ZNHIT3: variants seen among roughly 807,000 people sequenced by gnomAD.
ZNHIT3 encodes zinc finger HIT-type containing 3.
ZNHIT3 carries 27 observed loss-of-function variants against 19.9 expected under a neutral mutation model. That is an observed-to-expected ratio of 1.36 (90% CI 1.00 to 1.87). The LOEUF is 1.87. ZNHIT3 is among the 40% of genes most tolerant of loss of function. The pLI is 0.00. For missense variants in ZNHIT3, 215 were observed against 185.6 expected (o/e 1.16, Z -0.92); for synonymous variants, 81 against 65.7 (o/e 1.23, Z -1.13).
chr17:36,492,598 G>C (rs1204525201), intron 2 of ZNHIT3: 3 of 576,898 alleles, frequency 5.2e-6, no homozygotes, highest in Non-Finnish European at 9.2e-6. Context: ...ACAGGTTCTT[G>C]GGGTGCATGA....
At position 36,495,432 on chromosome 17, in the gene ZNHIT3, C is replaced by T. The variant is rs369692426; in HGVS notation, c.*28C>T. The stretch of plus-strand genomic sequence containing the variant: ...TGGATTATTGTGCTGCTTGCTCAAG[C>T]GTGTGCTTGACTCCTGGAACCTGCC... On this transcript the variant is annotated 3_prime_UTR_variant, in exon 5 of 5. Coordinates refer to ENST00000617429, the MANE Select transcript of ZNHIT3 (RefSeq NM_004773.4). 4.8e-5 allele frequency: 75 copies of T among 1,551,626 alleles called. No individual in the cohort carries two copies. The highest frequency in any genetic ancestry group is 1.7e-4 in the South Asian group (14 of 80,766).
In ZNHIT3 at chr17:36,495,608, A is replaced by C; in HGVS notation, c.*204A>C. The C allele has an allele frequency of 7.7e-7, 1 of 1,290,420 alleles. No individual in the cohort carries two copies. Among genetic ancestry groups the C allele is most frequent in the Non-Finnish European group, 9.8e-7 (1 of 1,022,224 alleles). The allele number at this position is 1,290,420 out of a possible 1,614,324, so 79.9% of individuals were successfully genotyped here. Reference sequence around the variant, plus strand: ...GGGTCCTTAAGGTGGCAAGTCCTTTATGGAGAGAAAACTTGACATTCAGAT... The same window carrying C: ...GGGTCCTTAAGGTGGCAAGTCCTTTCTGGAGAGAAAACTTGACATTCAGAT... On this transcript the variant is annotated 3_prime_UTR_variant, in exon 5 of 5. Coordinates refer to ENST00000617429, the MANE Select transcript of ZNHIT3 (RefSeq NM_004773.4).
downstream of ZNHIT3, chr17:36,498,370 C>T (rs1254250386): frequency 6.2e-7 from 1 of 1,614,034 alleles, no homozygotes; most frequent in Non-Finnish European, 8.5e-7. Flanking sequence ...GCCCAGACCA[C>T]TAATTTCCTC....
At position 36,495,383 on chromosome 17, in the gene ZNHIT3, A is replaced by G. The variant is rs747068773; in HGVS notation, c.447A>G (p.Pro149=). 3 of 1,608,722 alleles carry G rather than the reference A, an allele frequency of 1.9e-6. No individual in the cohort carries two copies. Among genetic ancestry groups the G allele is most frequent in the South Asian group, 1.1e-5 (1 of 89,972 alleles). Residue 149 remains proline, a synonymous_variant, in exon 5 of 5, where the codon CCA becomes CCG. Transcript: ENST00000617429. ...FADCCLGIVE[P]SQNEES is the part of the protein sequence containing the mutation. ...ACTGCTGTTTAGGAATTGTGGAGCC[A>G]TCCCAGAATGAGGAGTCTTAAGATG...
chr17:36,495,582 G>C lies in ZNHIT3; in HGVS notation c.*178G>C. On this transcript the variant is annotated 3_prime_UTR_variant, in exon 5 of 5. Coordinates refer to ENST00000617429, the MANE Select transcript of ZNHIT3 (RefSeq NM_004773.4). ...TGTGGCTCATGTTTCAGGCAGACTTGGGGTCCTTAAGGTGGCAAGTCCTTT... is the reference window on the plus strand; with the variant it reads ...TGTGGCTCATGTTTCAGGCAGACTTCGGGTCCTTAAGGTGGCAAGTCCTTT... The C allele has an allele frequency of 7.7e-7, 1 of 1,306,358 alleles. No homozygotes were observed. Among genetic ancestry groups the C allele is most frequent in the East Asian group, 2.9e-5 (1 of 34,360 alleles). The allele number at this position is 1,306,358 out of a possible 1,614,324, so 80.9% of individuals were successfully genotyped here. A position where few individuals can be genotyped will look rare whatever the true frequency, so the allele number is the denominator to read the frequency against.
At chr17:36,492,311 ATGATTT>A (rs1351148582) in intron 2 of ZNHIT3, 1 of 156,634 alleles carries the variant, frequency 6.4e-6, no homozygotes, top group African/African-American at 2.4e-5. Context: ...CCATGCCTGG[ATGATTT>A]TTTTTATTTT....
downstream of ZNHIT3, chr17:36,495,936 G>A: frequency 9.5e-7 from 1 of 1,047,200 alleles, no homozygotes; most frequent in Non-Finnish European, 1.2e-6. Context: ...GTGGAATTGG[G>A]ATCCCCAGTG....
At chr17:36,498,390 C>T (rs891961525), downstream of ZNHIT3, 6 of 1,613,904 alleles carry the variant, frequency 3.7e-6, no homozygotes, top group African/African-American at 5.3e-5. Context: ...CTGAAAGCTG[C>T]CTACACCCAT....
At chr17:36,499,002 G>T, downstream of ZNHIT3, 1 of 1,226,492 alleles carries the variant, frequency 8.2e-7, no homozygotes, top group Non-Finnish European at 1.2e-6. Context: ...GGCAGAGCCA[G>T]CATTCCCACT....
chr17:36,493,459 C>T (rs1036506621), intron 3 of ZNHIT3, among the ~76,000 whole-genome samples: 2 of 152,210 alleles, frequency 1.3e-5, no homozygotes, highest in Non-Finnish European at 2.9e-5. Flanking sequence ...AAGGCATGGC[C>T]CATTTTTGCC....
Position 36,492,789 on chromosome 17 carries a change from G to A in ZNHIT3, c.119-24G>A, listed in dbSNP as rs186512951. The A allele has an allele frequency of 4.3e-6, 7 of 1,609,382 alleles. No homozygotes were observed. In the African/African-American group the frequency reaches 9.4e-5, roughly 22 times the overall value. ...TGTCGCTGAAATGGAGGTAATGTGG[G>A]CCTGGGATTTGTGTCTTTTTCAGAA... On this transcript the variant is annotated intron_variant, in intron 2 of 4. Coordinates refer to ENST00000617429, the MANE Select transcript of ZNHIT3 (RefSeq NM_004773.4).
intron 2 of ZNHIT3, chr17:36,490,821 C>A (rs1403460667): frequency 6.6e-6 from 1 of 152,020 alleles, no homozygotes; most frequent in Non-Finnish European, 1.5e-5. Context: ...GTACACTTTT[C>A]ATTTGTCTTT....
rs770356090 is a variant in ZNHIT3 at position 36,486,685 on chromosome 17, T to TC, written c.-13dup. ...GCGCGCGGCGGCGCAGTGAACAGTC[T>TC]CCTTCCACAAAACCATGGCGTCGCT... On this transcript the variant is annotated 5_prime_UTR_variant, in exon 1 of 5. Transcript: ENST00000617429. 1 of 1,613,552 alleles carries TC rather than the reference T, an allele frequency of 6.2e-7. No individual in the cohort carries two copies. Among genetic ancestry groups the TC allele is most frequent in the Non-Finnish European group, 8.5e-7 (1 of 1,179,668 alleles).
chr17:36,496,094 A>C, downstream of ZNHIT3: 1 of 1,036,802 alleles, frequency 9.6e-7, no homozygotes, highest in Non-Finnish European at 1.4e-6. Flanking sequence ...CCACTGACGC[A>C]CTGGGCACGG....
chr17:36,499,288 G>A (rs992631511), downstream of ZNHIT3: 10 of 613,570 alleles, frequency 1.6e-5, no homozygotes, highest in Non-Finnish European at 2.8e-5. Context: ...TCAATAAATT[G>A]CTACAAATAA....
At position 36,495,488 on chromosome 17, in the gene ZNHIT3, G is replaced by A. The variant is rs2070891766; in HGVS notation, c.*84G>A. On this transcript the variant is annotated 3_prime_UTR_variant, in exon 5 of 5. Coordinates refer to ENST00000617429, the MANE Select transcript of ZNHIT3 (RefSeq NM_004773.4). ...CCTCTCCCAGACCAGCTAGTTTGGG[G>A]CTGGGGAGCTCAGGCAAAAGAGGTT... The A allele has an allele frequency of 2.1e-6, 3 of 1,441,110 alleles. No homozygotes were observed. The highest frequency in any genetic ancestry group is 3.0e-5 in the Admixed American group (1 of 33,840). The allele number at this position is 1,441,110 out of a possible 1,614,324, so 89.3% of individuals were successfully genotyped here.
At chr17:36,497,756 TG>T (rs1221837503), downstream of ZNHIT3, 3 of 160,150 alleles carry the variant, frequency 1.9e-5, no homozygotes, top group African/African-American at 7.2e-5. Flanking sequence ...AACCAATTTT[TG>T]TATTTTTAGT....
At position 36,492,486 on chromosome 17, in the gene ZNHIT3, A is replaced by T. The variant is rs540547996; in HGVS notation, c.119-327A>T. On this transcript the variant is annotated intron_variant, in intron 2 of 4. Coordinates refer to ENST00000617429, the MANE Select transcript of ZNHIT3 (RefSeq NM_004773.4). ...TAAGTTCTTTGGTGGTTTTGCCCCTAGTTTTATCCCATCTGGTATCTGGTT... is the reference window on the plus strand; with the variant it reads ...TAAGTTCTTTGGTGGTTTTGCCCCTTGTTTTATCCCATCTGGTATCTGGTT... 13 of 267,600 alleles carry T rather than the reference A, an allele frequency of 4.9e-5. No homozygotes were observed. The East Asian group carries it at 9.7e-4, about 20-fold the overall frequency. The allele number at this position is 267,600 out of a possible 1,614,324, so 16.6% of individuals were successfully genotyped here.
Position 36,494,084 on chromosome 17 carries a change from T to A in ZNHIT3, c.286+78T>A, listed in dbSNP as rs1245141404. ...GGATTGTGATTTTTTAAAAAGTTTT[T>A]AATTTCTTGAATAAGTATGGCATGT... On this transcript the variant is annotated intron_variant, in intron 4 of 4. Transcript: ENST00000617429. The A allele has an allele frequency of 7.7e-6, 9 of 1,169,354 alleles. No individual in the cohort carries two copies. In the African/African-American group the frequency reaches 1.1e-4, roughly 14 times the overall value. 72.4% of individuals were successfully genotyped at this position (1,169,354 alleles called of 1,614,324 possible). A position where few individuals can be genotyped will look rare whatever the true frequency, so the allele number is the denominator to read the frequency against.
Sources: allele counts gnomAD v4.1 joint callset (sites outside exome capture counted in the v4.1 genomes callset), GRCh38; gene constraint gnomAD v4.1.1; transcripts MANE v1.5; gene names NCBI Gene and HGNC (gene_info 2026-07-23, HGNC 2026-07-21).